The following GXYLT2 variants were observed in gnomAD, a reference collection of about 807,000 sequenced individuals.
GXYLT2 encodes glucoside xylosyltransferase 2, also known as glycosyltransferase 8 domain containing 4.
GXYLT2 carries 53 observed loss-of-function variants against 45.8 expected under a neutral mutation model. That is an observed-to-expected ratio of 1.16 (90% CI 0.93 to 1.46). The LOEUF (loss-of-function observed/expected upper bound fraction) is 1.46. Ranked by LOEUF, GXYLT2 falls within the 40% of genes most tolerant of loss-of-function variation. The probability of loss-of-function intolerance (pLI) is 0.00; values close to 1 mark genes in which losing one functional copy is unlikely to be tolerated. For synonymous variants in GXYLT2, 219 were observed against 214.2 expected (o/e 1.02, Z -0.19); for missense variants, 551 against 544.4 (o/e 1.01, Z -0.12).
rs1419211476 is a variant in GXYLT2, at chr3:72,908,376, AG to A, written c.286del (p.Glu96AsnfsTer54). On this transcript the variant is annotated frameshift_variant, in exon 2 of 7. Transcript: ENST00000389617. LOFTEE classifies it high-confidence loss of function. ...TTTTCCCTCTTTCTAGGAGGCCTGG[AG>A]AACCCAGGAGTTTCCAAGCTGTGCT... is the stretch of plus-strand genomic sequence containing the variant. ...RLEKLARRPG[E>X]PRSFQAVLPP... 1.3e-6 allele frequency: 2 copies of A among 1,596,052 alleles called. No individual in the cohort carries two copies. The highest frequency in any genetic ancestry group is 1.7e-6 in the Non-Finnish European group (2 of 1,174,564).
Position 72,888,330 on chromosome 3 carries a change from C to T in GXYLT2, c.97C>T (p.Pro33Ser). The change falls in exon 1 of 7, where the codon CCA becomes TCA. Residue 33 changes from proline to serine, a missense_variant. By Grantham distance (74) the Pro-to-Ser change is moderately conservative. Coordinates refer to ENST00000389617, the MANE Select transcript of GXYLT2 (RefSeq NM_001080393.2). Reference protein sequence around the residue: ...LSLRAGRAEPPALPARPASAP... With the variant: ...LSLRAGRAEPSALPARPASAP... ...CCTGCGCGCTGGCCGCGCTGAGCCCCCAGCGCTGCCCGCGCGCCCCGCGTC... is the reference window on the plus strand; with the variant it reads ...CCTGCGCGCTGGCCGCGCTGAGCCCTCAGCGCTGCCCGCGCGCCCCGCGTC... 4 of 984,334 alleles carry T rather than the reference C, an allele frequency of 4.1e-6. No homozygotes were observed. The highest frequency in any genetic ancestry group is 4.5e-5 in the South Asian group (1 of 22,160). The allele number at this position is 984,334 out of a possible 1,614,324, so 61.0% of individuals were successfully genotyped here.
chr3:72,959,955 G>A (rs187324370), intron 5 of GXYLT2, among the ~76,000 whole-genome samples: 23 of 147,364 alleles, frequency 1.6e-4, no homozygotes, highest in Non-Finnish European at 2.3e-4. Flanking sequence ...TTGTTTGTTT[G>A]TTTGTTTTGA....
In GXYLT2 at chr3:72,915,294, G is replaced by A. The variant is rs145298173; in HGVS notation, c.468+6735G>A. On this transcript the variant is annotated intron_variant, in intron 2 of 6. Coordinates refer to ENST00000389617, the MANE Select transcript of GXYLT2 (RefSeq NM_001080393.2). Reference sequence around the variant, plus strand: ...AAGGGCTGCTTTTAAATAGTACCACGTGCTTTTAGAGGACGGGGACCATGC... The same window carrying A: ...AAGGGCTGCTTTTAAATAGTACCACATGCTTTTAGAGGACGGGGACCATGC... Among the ~76,000 whole-genome samples the A allele has an allele frequency of 2.7e-3, 352 of 129,656 alleles. 4 individuals carry two copies. In the East Asian group the frequency reaches 0.037, roughly 14 times the overall value. 85.1% of individuals were successfully genotyped at this position (129,656 alleles called of 152,430 possible).
At chr3:72,930,592 CTTTTT>C (rs71126806) in intron 3 of GXYLT2, among the ~76,000 whole-genome samples, 21 of 101,614 alleles carry the variant, frequency 2.1e-4, no homozygotes, top group Admixed American at 1.9e-3. Context: ...TCTTCTTCTT[CTTTTT>C]TTTTTTTTTT....
chr3:72,904,915 G>T (rs1454303178), intron 1 of GXYLT2, among the ~76,000 whole-genome samples: 1 of 150,228 alleles, frequency 6.7e-6, no homozygotes, highest in Non-Finnish European at 1.5e-5. Context: ...AGGTGTGATG[G>T]CCTTCGGTTT....
intron 1 of GXYLT2, among the ~76,000 whole-genome samples, chr3:72,907,772 G>A (rs1709539029): frequency 2.0e-5 from 3 of 152,118 alleles, no homozygotes; most frequent in African/African-American, 7.2e-5. Flanking sequence ...TGGCGAGACG[G>A]TCAGGATTAA....
chr3:72,936,333 C>G (rs1710177068), intron 3 of GXYLT2, among the ~76,000 whole-genome samples: 1 of 149,090 alleles, frequency 6.7e-6, no homozygotes, highest in East Asian at 2.0e-4. Flanking sequence ...AAGAGAAAAT[C>G]AGGAAGTCGT....
chr3:72,936,445 G>A (rs1263268080), intron 3 of GXYLT2, among the ~76,000 whole-genome samples: 1 of 152,136 alleles, frequency 6.6e-6, no homozygotes, highest in Non-Finnish European at 1.5e-5. Context: ...CTTGAGACTA[G>A]CCTGGCCAAC....
intron 5 of GXYLT2, among the ~76,000 whole-genome samples, chr3:72,965,013 G>A (rs1710837992): frequency 6.6e-6 from 1 of 152,136 alleles, no homozygotes; most frequent in Non-Finnish European, 1.5e-5. Flanking sequence ...GAAAGGTCAG[G>A]CAGCTAATAG....
intron 3 of GXYLT2, among the ~76,000 whole-genome samples, chr3:72,936,954 G>A (rs563069034): frequency 6.6e-6 from 1 of 152,098 alleles, no homozygotes; most frequent in African/African-American, 2.4e-5. Context: ...GACACACAGA[G>A]GTATATACCT....
At chr3:72,929,422 A>AT (rs1709982579) in intron 3 of GXYLT2, 1 of 1,316,514 alleles carries the variant, frequency 7.6e-7, no homozygotes, top group Non-Finnish European at 1.1e-6. Context: ...AGTGACAAAA[A>AT]TGACCCCCAT....
At position 72,975,368 on chromosome 3, in the gene GXYLT2, G is replaced by GC; in HGVS notation, c.*209_*210insC. 9.5e-6 allele frequency: 3 copies of GC among 314,918 alleles called. No homozygotes were observed. 19.5% of individuals were successfully genotyped at this position (314,918 alleles called of 1,614,324 possible). ...TTTCTAAAATGCTATTTATCTCTAA[G>GC]GAAAAAAAAAAAAGACTATTACTCA... On this transcript the variant is annotated 3_prime_UTR_variant, in exon 7 of 7. Coordinates refer to ENST00000389617, the MANE Select transcript of GXYLT2 (RefSeq NM_001080393.2).
intron 3 of GXYLT2, among the ~76,000 whole-genome samples, chr3:72,933,079 G>A (rs982766901): frequency 2.6e-5 from 4 of 152,124 alleles, no homozygotes; most frequent in Admixed American, 6.5e-5. Flanking sequence ...AACAATGCCT[G>A]GCACATAGAA....
At chr3:72,906,166 A>G (rs1386027093) in intron 1 of GXYLT2, among the ~76,000 whole-genome samples, 8 of 152,172 alleles carry the variant, frequency 5.3e-5, no homozygotes, top group Admixed American at 1.3e-4. Context: ...TTGGGAGTTG[A>G]CTTAAATAGC....
chr3:72,922,732 G>A (rs1168012263), intron 3 of GXYLT2, among the ~76,000 whole-genome samples: 1 of 152,096 alleles, frequency 6.6e-6, no homozygotes, highest in Non-Finnish European at 1.5e-5. Flanking sequence ...TACTAGTTAT[G>A]GCCATACTAG....
Position 72,935,769 on chromosome 3 carries a change from T to C in GXYLT2, c.600+13434T>C, listed in dbSNP as rs953432620. ...TTCTATACTCAACCAAACTACAAAT[T>C]AAGTGTCTAGGTCGCAAGACATTTT... On this transcript the variant is annotated intron_variant, in intron 3 of 6. Coordinates refer to ENST00000389617, the MANE Select transcript of GXYLT2 (RefSeq NM_001080393.2). 9.9e-5 allele frequency among the ~76,000 whole-genome samples: 15 copies of C among 152,150 alleles called. 1 individual carries two copies. The highest frequency in any genetic ancestry group is 3.4e-4 in the African/African-American group (14 of 41,420).
chr3:72,973,741 G>A (rs1449210261), intron 6 of GXYLT2, among the ~76,000 whole-genome samples: 1 of 152,036 alleles, frequency 6.6e-6, no homozygotes. Flanking sequence ...GAGGAATTGA[G>A]GGTGATTCCA....
At chr3:72,935,177 A>G (rs756297900) in intron 3 of GXYLT2, among the ~76,000 whole-genome samples, 3 of 152,190 alleles carry the variant, frequency 2.0e-5, no homozygotes, top group Non-Finnish European at 4.4e-5. Flanking sequence ...ATAAAACACA[A>G]TATGTATTAA....
chr3:72,903,549 A>G (rs1239342480), intron 1 of GXYLT2, among the ~76,000 whole-genome samples: 2 of 152,180 alleles, frequency 1.3e-5, no homozygotes, highest in Non-Finnish European at 2.9e-5. Flanking sequence ...GCCTCACCCA[A>G]GACCCATGGA....
Sources: allele counts gnomAD v4.1 joint callset (sites outside exome capture counted in the v4.1 genomes callset), GRCh38; gene constraint gnomAD v4.1.1; transcripts MANE v1.5; gene names NCBI Gene and HGNC (gene_info 2026-07-23, HGNC 2026-07-21).